The following ATP13A3 variants were observed in gnomAD, a reference collection of about 807,000 sequenced individuals.
ATP13A3 encodes polyamine-transporting ATPase 13A3.
A neutral mutation model predicts 158.1 loss-of-function variants in ATP13A3; 59 were observed. That is an observed-to-expected ratio of 0.37 (90% CI 0.30 to 0.46). The LOEUF is 0.46. Among genes scored for constraint, ATP13A3 ranks in the 20% least tolerant of loss-of-function variants. The probability of loss-of-function intolerance (pLI) is 1.00; values close to 1 mark genes in which losing one functional copy is unlikely to be tolerated. For synonymous variants in ATP13A3, 491 were observed against 504.3 expected, an observed-to-expected ratio of 0.97 and a Z score of 0.35; for missense variants, 1,166 against 1,525.2, an observed-to-expected ratio of 0.76 and a Z score of 3.92.
intron 2 of ATP13A3, among the ~76,000 whole-genome samples, chr3:194,477,790 C>A (rs1720590192): frequency 6.6e-6 from 1 of 152,184 alleles, no homozygotes; most frequent in Admixed American, 6.5e-5. Context: ...AGTGTTTCCA[C>A]CTCACTTCAT....
rs761021212 is a variant in ATP13A3 at position 194,448,451 on chromosome 3, T to G, written c.1150+6A>C. On this transcript the variant is annotated splice_donor_region_variant and intron_variant, in intron 12 of 33. Transcript: ENST00000645319. This position sits in a 1 kb window ranked among gnomAD's most constrained non-coding sequence, Gnocchi z 4.0. ...GCAAAAAGAGATTAATTAAGATGTTTCCTACCTGTTCTAACAACTATGGCT... is the reference window on the plus strand; with the variant it reads ...GCAAAAAGAGATTAATTAAGATGTTGCCTACCTGTTCTAACAACTATGGCT... 1 of 1,611,532 alleles carries G rather than the reference T, an allele frequency of 6.2e-7. No homozygotes were observed. The highest frequency in any genetic ancestry group is 1.1e-5 in the South Asian group (1 of 90,994).
chr3:194,436,605 T>C (rs113525664), intron 20 of ATP13A3, among the ~76,000 whole-genome samples: 20 of 152,124 alleles, frequency 1.3e-4, no homozygotes, highest in African/African-American at 3.9e-4. Context: ...TAAGGAAACA[T>C]AGGTAAACAG....
At chr3:194,456,057 G>T (rs1577074639) in intron 7 of ATP13A3, 95 bp from the exon 8 acceptor site, 1 of 667,478 alleles carries the variant, frequency 1.5e-6, no homozygotes, top group Non-Finnish European at 2.4e-6. Context: ...ACCACAGACT[G>T]TTCTTATTCA....
chr3:194,450,267 T>C lies in ATP13A3; in HGVS notation c.848A>G (p.Glu283Gly), dbSNP rs544461893. ...TGGCACAAGGTCGGTAGAAAAGATT[T>C]CTTCTATTTCTGAAATTAAAGAAAG... ...SVCRVNEEIE[E>G]IFSTDLVPGD... is the part of the protein sequence containing the mutation. The change falls in exon 11 of 34, where the codon GAA (glutamate) becomes GGA (glycine). Residue 283 changes from glutamate (E) to glycine (G), a missense_variant. Physicochemically the swap from Glu to Gly is moderately conservative, Grantham distance 98. Coordinates refer to ENST00000645319, the MANE Select transcript of ATP13A3 (RefSeq NM_001367549.1). 1.2e-6 allele frequency: 2 copies of C among 1,610,956 alleles called. No individual in the cohort carries two copies. Among genetic ancestry groups the C allele is most frequent in the African/African-American group, 2.7e-5 (2 of 74,896 alleles).
chr3:194,469,993 A>G (rs766928837), intron 2 of ATP13A3, among the ~76,000 whole-genome samples: 1 of 152,242 alleles, frequency 6.6e-6, no homozygotes, highest in Non-Finnish European at 1.5e-5. Flanking sequence ...TCCAACTGTA[A>G]TAACCAAATT....
chr3:194,460,681 C>T lies in ATP13A3; in HGVS notation c.202G>A (p.Glu68Lys). 1 of 1,614,120 alleles carries T rather than the reference C, an allele frequency of 6.2e-7. No homozygotes were observed. The highest frequency in any genetic ancestry group is 8.5e-7 in the Non-Finnish European group (1 of 1,179,980). ...ACAGTAGTCCTCAGCAGCACTACTT[C>T]ACAGTCTTTAATTGCAGCTCTGACA... ...TCVRAAIKDCEVVLLRTTDEF... is the reference protein window; with the variant it reads ...TCVRAAIKDCKVVLLRTTDEF... The change falls in exon 4 of 34, where the codon GAA becomes AAA. Residue 68 changes from glutamate (E) to lysine (K), a missense_variant. Around this residue, in one of 3 missense-constraint regions of ATP13A3, gnomAD observed 65 missense variants for 92.4 expected, o/e 0.70. Coordinates refer to ENST00000645319, the MANE Select transcript of ATP13A3 (RefSeq NM_001367549.1).
intron 2 of ATP13A3, among the ~76,000 whole-genome samples, chr3:194,476,769 T>TTTTTTG (rs952842445): frequency 1.4e-5 from 2 of 145,476 alleles, no homozygotes; most frequent in African/African-American, 5.7e-5. Context: ...AGTTGTTGTT[T>TTTTTTG]TTTTTTTTTT....
In ATP13A3 at chr3:194,437,333, G is replaced by A. The variant is rs776158351; in HGVS notation, c.1977C>T (p.Ala659=). ...TACCTGTTTCAGGTTTACAGAGACCGGCAATGGCCTCGGGCGCTCCTTTCA... is the reference window on the plus strand; with the variant it reads ...TACCTGTTTCAGGTTTACAGAGACCAGCAATGGCCTCGGGCGCTCCTTTCA... ...AYMKGAPEAI[A]GLCKPETVPV... Residue 659 remains alanine (A), a synonymous_variant, in exon 19 of 34, where the codon GCC becomes GCT. Coordinates refer to ENST00000645319, the MANE Select transcript of ATP13A3 (RefSeq NM_001367549.1). 61 of 1,614,030 alleles carry A rather than the reference G, an allele frequency of 3.8e-5. No individual in the cohort carries two copies. Among genetic ancestry groups the A allele is most frequent in the African/African-American group, 1.7e-4 (13 of 74,908 alleles).
intron 33 of ATP13A3, among the ~76,000 whole-genome samples, chr3:194,410,933 TTG>T (rs1491229210): frequency 9.1e-6 from 1 of 109,578 alleles, no homozygotes; most frequent in African/African-American, 5.1e-5. Flanking sequence ...GGTTGGGGTG[TTG>T]GGGTGTGTGT....
At chr3:194,470,904 T>C (rs1720270669) in intron 2 of ATP13A3, among the ~76,000 whole-genome samples, 1 of 152,012 alleles carries the variant, frequency 6.6e-6, no homozygotes, top group East Asian at 1.9e-4. Flanking sequence ...AGAAGTAAAA[T>C]GGCTTAGAGA....
intron 13 of ATP13A3, 45 bp downstream of exon 13, chr3:194,447,807 T>TA: frequency 6.7e-7 from 1 of 1,492,120 alleles, no homozygotes; most frequent in Middle Eastern, 1.7e-4. Flanking sequence ...CTGCATATGA[T>TA]AAATAATTGA....
intron 7 of ATP13A3, 110 bp from the exon 8 acceptor site, chr3:194,456,072 T>C: frequency 1.7e-6 from 1 of 583,054 alleles, no homozygotes; most frequent in Non-Finnish European, 2.9e-6. Context: ...TATTCATGTC[T>C]CCAAACACCT....
At position 194,433,765 on chromosome 3, in the gene ATP13A3, G is replaced by A. The variant is rs769566443; in HGVS notation, c.2245+7C>T. ...ATTTGCTTCTGTGTTCTTTTATAAA[G>A]TCTAACCTGTGACCATGACGGTGCG... is the stretch of plus-strand genomic sequence containing the variant. On this transcript the variant is annotated splice_region_variant and intron_variant, in intron 21 of 33. Transcript: ENST00000645319. 10 of 1,613,692 alleles carry A rather than the reference G, an allele frequency of 6.2e-6. 1 individual carries two copies. In the South Asian group the frequency reaches 1.1e-4, roughly 18 times the overall value.
At chr3:194,478,865 C>A (rs1467550699) in intron 2 of ATP13A3, among the ~76,000 whole-genome samples, 5 of 152,186 alleles carry the variant, frequency 3.3e-5, no homozygotes, top group Non-Finnish European at 7.3e-5. Context: ...GATGTCTCCC[C>A]AGCATCCAGC....
At chr3:194,459,602 G>T in intron 5 of ATP13A3, 61 bp from the exon 6 acceptor site, 1 of 1,377,788 alleles carries the variant, frequency 7.3e-7, no homozygotes, top group South Asian at 1.2e-5. Context: ...TATGTAATCT[G>T]TTACTTCTAT....
intron 21 of ATP13A3, among the ~76,000 whole-genome samples, chr3:194,433,536 C>T (rs954486542): frequency 5.3e-5 from 8 of 152,182 alleles, no homozygotes; most frequent in African/African-American, 1.7e-4. Context: ...AGCCACCGCG[C>T]CCGGCCGTAC....
In ATP13A3 at chr3:194,462,226, A is replaced by C; in HGVS notation, c.-36T>G. 1 of 1,578,422 alleles carries C rather than the reference A, an allele frequency of 6.3e-7. No homozygotes were observed. Among genetic ancestry groups the C allele is most frequent in the Non-Finnish European group, 8.7e-7 (1 of 1,147,690 alleles). ...GATTAAAGGTCCAGTGCTTCAAACAATGGAAGATCACTGAGGGAAGAAAGG... is the reference window on the plus strand; with the variant it reads ...GATTAAAGGTCCAGTGCTTCAAACACTGGAAGATCACTGAGGGAAGAAAGG... On this transcript the variant is annotated 5_prime_UTR_variant, in exon 3 of 34. Transcript: ENST00000645319.
At chr3:194,439,357 C>T (rs1717881528) in intron 16 of ATP13A3, among the ~76,000 whole-genome samples, 1 of 152,284 alleles carries the variant, frequency 6.6e-6, no homozygotes, top group East Asian at 1.9e-4. Flanking sequence ...TTTCTGCTAC[C>T]AAGAAAGGAT....
Position 194,483,986 on chromosome 3 carries a change from T to C in ATP13A3, c.-47+1808A>G, listed in dbSNP as rs545164656. 7.1e-4 allele frequency among the ~76,000 whole-genome samples: 108 copies of C among 152,184 alleles called. No individual in the cohort carries two copies. In the South Asian group the frequency reaches 0.022, roughly 31 times the overall value. On this transcript the variant is annotated intron_variant, in intron 2 of 33. Transcript: ENST00000645319. Reference sequence around the variant, plus strand: ...AAATGGAATAGGAGTTGGCAGCTTATCACCTATCAAAGAAAACAGTCAAAA... The same window carrying C: ...AAATGGAATAGGAGTTGGCAGCTTACCACCTATCAAAGAAAACAGTCAAAA...
Sources: allele counts gnomAD v4.1 joint callset (sites outside exome capture counted in the v4.1 genomes callset), GRCh38; gene constraint gnomAD v4.1.1; regional missense constraint gnomAD v4.1.1; non-coding constraint Gnocchi (gnomAD v3.1); transcripts MANE v1.5; gene names NCBI Gene and HGNC (gene_info 2026-07-23, HGNC 2026-07-21).